Variants in SUCLG2 observed in about 807,000 individuals in gnomAD.
SUCLG2 encodes the protein succinate-CoA ligase GDP-forming subunit beta.
In SUCLG2, 42 loss-of-function variants were observed where a neutral mutation model predicts 47.9. The ratio of observed to expected loss-of-function variants is 0.88; its 90% CI spans 0.69 to 1.14. The LOEUF is 1.14. SUCLG2 is among the 50% of genes most tolerant of loss of function. The pLI is 0.00. For missense variants in SUCLG2, 571 were observed against 525.9 expected, an observed-to-expected ratio of 1.09 and a Z score of -0.84; for synonymous variants, 195 against 197.3, an observed-to-expected ratio of 0.99 and a Z score of 0.10.
intron 10 of SUCLG2, among the ~76,000 whole-genome samples, chr3:67,362,678 T>C (rs1019759966): frequency 6.6e-6 from 1 of 152,166 alleles, no homozygotes; most frequent in African/African-American, 2.4e-5. Context: ...GGCACCAATT[T>C]TTATTGAATG....
At chr3:67,421,630 C>A (rs1703159748) in intron 9 of SUCLG2, among the ~76,000 whole-genome samples, 1 of 152,132 alleles carries the variant, frequency 6.6e-6, no homozygotes, top group South Asian at 2.1e-4. Context: ...TGCTTTTATT[C>A]CACTATGGTA....
At chr3:67,538,397 C>T (rs570674862) in intron 2 of SUCLG2, among the ~76,000 whole-genome samples, 16 of 152,068 alleles carry the variant, frequency 1.1e-4, no homozygotes, top group African/African-American at 3.4e-4. Flanking sequence ...GGTGTTATTT[C>T]GGAGGCCTCT....
chr3:67,521,640 T>C (rs1706107983), intron 4 of SUCLG2, among the ~76,000 whole-genome samples: 1 of 151,220 alleles, frequency 6.6e-6, no homozygotes, highest in South Asian at 2.1e-4. Context: ...TCTCACTCTG[T>C]CACTGAGGCT....
chr3:67,564,324 C>T (rs936422191), intron 2 of SUCLG2, among the ~76,000 whole-genome samples: 4 of 152,104 alleles, frequency 2.6e-5, no homozygotes, highest in Non-Finnish European at 4.4e-5. Flanking sequence ...CCCCTCCCCT[C>T]GCTATTAATA....
rs899515525 is a variant in SUCLG2, at chr3:67,644,195, G to A, written c.84+10308C>T. Among the ~76,000 whole-genome samples the A allele has an allele frequency of 3.9e-5, 6 of 151,982 alleles. No homozygotes were observed. In the South Asian group the frequency reaches 1.0e-3, roughly 26 times the overall value. On this transcript the variant is annotated intron_variant, in intron 1 of 10. Transcript: ENST00000307227. Reference sequence around the variant, plus strand: ...CCACGGAACACTCATGTTCATAGCAGCATTATTCACATAGCCAAAAAGGGA... The same window carrying A: ...CCACGGAACACTCATGTTCATAGCAACATTATTCACATAGCCAAAAAGGGA...
chr3:67,431,566 G>T (rs1041104306), intron 9 of SUCLG2, among the ~76,000 whole-genome samples: 3 of 152,028 alleles, frequency 2.0e-5, no homozygotes, highest in African/African-American at 7.3e-5. Flanking sequence ...CCATAAAAAA[G>T]GTTGAGTTCA....
intron 7 of SUCLG2, 68 bp downstream of exon 7, chr3:67,508,739 G>A (rs1705707295): frequency 2.5e-6 from 3 of 1,209,964 alleles, no homozygotes; most frequent in East Asian, 2.5e-5. Flanking sequence ...AGTCTTTTGT[G>A]CAATTTATAG....
intron 2 of SUCLG2, among the ~76,000 whole-genome samples, chr3:67,578,679 T>C (rs571784403): frequency 1.4e-4 from 21 of 152,246 alleles, no homozygotes; most frequent in Non-Finnish European, 2.6e-4. Flanking sequence ...AGAGAGGCCA[T>C]ACGAACCACT....
chr3:67,528,292 A>C, intron 3 of SUCLG2, 70 bp from the exon 4 acceptor site: 3 of 1,377,784 alleles, frequency 2.2e-6, no homozygotes, highest in Non-Finnish European at 3.1e-6. Flanking sequence ...GTCCTTACAC[A>C]GAGCCTCATG....
intron 9 of SUCLG2, chr3:67,408,935 G>A (rs1702875107): frequency 1.3e-6 from 2 of 1,531,460 alleles, no homozygotes; most frequent in Non-Finnish European, 1.7e-6. Context: ...GATGAGTCAG[G>A]AGTTCCAGCT....
intron 1 of SUCLG2, among the ~76,000 whole-genome samples, chr3:67,624,789 A>C (rs1325971444): frequency 1.3e-5 from 2 of 152,230 alleles, no homozygotes; most frequent in East Asian, 3.8e-4. Context: ...ACTTTAAAAT[A>C]ATCCCTGAAA....
At chr3:67,390,019 G>C (rs1400406953) in intron 10 of SUCLG2, among the ~76,000 whole-genome samples, 5 of 152,188 alleles carry the variant, frequency 3.3e-5, no homozygotes, top group African/African-American at 1.2e-4. Context: ...AATGTTACCA[G>C]AGACTGGATT....
intron 9 of SUCLG2, among the ~76,000 whole-genome samples, chr3:67,442,220 C>A (rs909532322): frequency 2.0e-5 from 3 of 151,956 alleles, no homozygotes; most frequent in South Asian, 2.1e-4. Context: ...CCGTTTTAGC[C>A]GGGATGGTCT....
chr3:67,577,093 G>C (rs1707760287), intron 2 of SUCLG2, among the ~76,000 whole-genome samples: 1 of 152,152 alleles, frequency 6.6e-6, no homozygotes, highest in South Asian at 2.1e-4. Flanking sequence ...CCAGCATTTT[G>C]GGAGGCTGAG....
rs570238792 is a variant in SUCLG2 at position 67,437,453 on chromosome 3, C to G, written c.1063-36602G>C. ...AATGATACGATAGCTTTTTAACGTACCAGATAGAAACAGTCTTTGTGTGTC... is the reference window on the plus strand; with the variant it reads ...AATGATACGATAGCTTTTTAACGTAGCAGATAGAAACAGTCTTTGTGTGTC... On this transcript the variant is annotated intron_variant, in intron 9 of 10. Coordinates refer to ENST00000307227, the MANE Select transcript of SUCLG2 (RefSeq NM_003848.4). Among the ~76,000 whole-genome samples, 7 of 152,214 alleles carry G rather than the reference C, an allele frequency of 4.6e-5. 1 individual carries two copies. The South Asian group carries it at 1.0e-3, about 23-fold the overall frequency.
At chr3:67,587,283 A>T (rs150377696) in intron 2 of SUCLG2, among the ~76,000 whole-genome samples, 10 of 152,336 alleles carry the variant, frequency 6.6e-5, no homozygotes, top group African/African-American at 1.9e-4. Flanking sequence ...AAATGAAAAT[A>T]GGTAGGACTG....
Position 67,375,933 on chromosome 3 carries a change from C to G in SUCLG2, c.1184-74G>C. ...CTTATGAAGTTTGCACAAGGACACA[C>G]AAGACTCACCTGTCTACAGCTTTTC... On this transcript the variant is annotated intron_variant, in intron 10 of 10. Coordinates refer to ENST00000307227, the MANE Select transcript of SUCLG2 (RefSeq NM_003848.4). 8 of 1,552,524 alleles carry G rather than the reference C, an allele frequency of 5.2e-6. No individual in the cohort carries two copies. The Admixed American group carries it at 9.8e-5, about 19-fold the overall frequency.
At chr3:67,631,656 A>C (rs950063460) in intron 1 of SUCLG2, among the ~76,000 whole-genome samples, 1 of 152,150 alleles carries the variant, frequency 6.6e-6, no homozygotes, top group African/African-American at 2.4e-5. Context: ...AGTATTTACT[A>C]CGTGGTCATC....
intron 9 of SUCLG2, among the ~76,000 whole-genome samples, chr3:67,428,335 C>A (rs1703363416): frequency 6.6e-6 from 1 of 152,184 alleles, no homozygotes; most frequent in South Asian, 2.1e-4. Context: ...CAAACAGGGT[C>A]TGGAGTGGAC....
Sources: gnomAD v4.1 joint callset for allele counts (sites outside exome capture counted in the v4.1 genomes callset) on GRCh38, gnomAD v4.1.1 for gene constraint, MANE v1.5 for transcripts, NCBI Gene and HGNC (gene_info 2026-07-23, HGNC 2026-07-21) for gene names.